Variants in PRKN observed in about 807,000 individuals in gnomAD.
The protein encoded by PRKN is parkin RBR E3 ubiquitin protein ligase.
PRKN carries 56 observed loss-of-function variants against 59.5 expected under a neutral mutation model. That is an observed-to-expected ratio of 0.94 (90% CI 0.76 to 1.18). The LOEUF (loss-of-function observed/expected upper bound fraction) is 1.18. Among genes scored for constraint, PRKN ranks in the 50% most tolerant of loss-of-function variants. PRKN has a pLI of 0.00. For synonymous variants in PRKN, 250 were observed against 222.1 expected (o/e 1.13, Z -1.12); for missense variants, 657 against 596.4 (o/e 1.10, Z -1.06).
chr6:162,609,877 T>C (rs886598443), intron 1 of PRKN, among the ~76,000 whole-genome samples: 3 of 152,224 alleles, frequency 2.0e-5, no homozygotes, highest in Non-Finnish European at 2.9e-5. Context: ...ATATCACAAC[T>C]AAGCGTTCTT....
chr6:161,866,527 A>G (rs566293656), intron 6 of PRKN, among the ~76,000 whole-genome samples: 17 of 152,250 alleles, frequency 1.1e-4, no homozygotes, highest in African/African-American at 4.1e-4. Flanking sequence ...GTGAGCTGAG[A>G]TCGCACCACT....
At chr6:161,598,067 T>G (rs1436587966) in intron 7 of PRKN, among the ~76,000 whole-genome samples, 1 of 152,174 alleles carries the variant, frequency 6.6e-6, no homozygotes, top group Admixed American at 6.5e-5. Context: ...ATAAATCTCT[T>G]GAGGAAAATA....
Position 162,710,374 on chromosome 6 carries a change from A to AACACACACACACACACACAC in PRKN, c.7+17268_7+17287dup, listed in dbSNP as rs138911423. 8.6e-3 allele frequency among the ~76,000 whole-genome samples: 1,078 copies of AACACACACACACACACACAC among 125,256 alleles called. 42 individuals are homozygous for AACACACACACACACACACAC. The highest frequency in any genetic ancestry group is 0.034 in the African/African-American group (983 of 29,204). The allele number at this position is 125,256 out of a possible 152,430, so 82.2% of individuals were successfully genotyped here. The stretch of plus-strand genomic sequence containing the variant: ...CAGAAAGCCCCTGGCACCCCCTACA[A>AACACACACACACACACACAC]ACACACACACACACACACACACACA... On this transcript the variant is annotated intron_variant, in intron 1 of 11. Coordinates refer to ENST00000366898, the MANE Select transcript of PRKN (RefSeq NM_004562.3).
rs1789606421 is a variant in PRKN, at chr6:161,448,853, C to A, written c.1084-61976G>T. ...AGTTAACCTTCCCAAATGAGTGGCACTATTATTTTAAAATAAAAGCGTTCA... is the reference window on the plus strand; with the variant it reads ...AGTTAACCTTCCCAAATGAGTGGCAATATTATTTTAAAATAAAAGCGTTCA... On this transcript the variant is annotated intron_variant, in intron 9 of 11. Transcript: ENST00000366898. The surrounding 1 kb of genome is among the most constrained non-coding windows in gnomAD (Gnocchi z 5.1). Among the ~76,000 whole-genome samples the A allele has an allele frequency of 6.6e-6, 1 of 152,126 alleles. No homozygotes were observed. The highest frequency in any genetic ancestry group is 2.4e-5 in the African/African-American group (1 of 41,416).
At chr6:162,483,193 G>A (rs1203207182) in intron 1 of PRKN, among the ~76,000 whole-genome samples, 4 of 152,102 alleles carry the variant, frequency 2.6e-5, no homozygotes, top group Non-Finnish European at 4.4e-5. Flanking sequence ...CCAGTCTCAC[G>A]ATATTCGAGT....
intron 4 of PRKN, among the ~76,000 whole-genome samples, chr6:162,186,218 C>T (rs1229551187): frequency 6.6e-6 from 1 of 151,884 alleles, no homozygotes; most frequent in Non-Finnish European, 1.5e-5. Flanking sequence ...TCAATTAAAG[C>T]CAGATACAAG....
At chr6:161,838,587 C>T (rs147162799) in intron 6 of PRKN, among the ~76,000 whole-genome samples, 14 of 152,346 alleles carry the variant, frequency 9.2e-5, no homozygotes, top group Non-Finnish European at 1.6e-4. Context: ...GCCCAGGTCT[C>T]GCAAATACAA....
intron 1 of PRKN, among the ~76,000 whole-genome samples, chr6:162,493,981 G>A (rs979066445): frequency 2.0e-5 from 3 of 152,122 alleles, no homozygotes; most frequent in African/African-American, 4.8e-5. Flanking sequence ...TGACTGAATC[G>A]CATGATGGAT....
intron 6 of PRKN, among the ~76,000 whole-genome samples, chr6:161,807,769 T>C (rs1791397158): frequency 6.6e-6 from 1 of 152,320 alleles, no homozygotes; most frequent in East Asian, 1.9e-4. Flanking sequence ...CCAGTTAGAT[T>C]TGATTAAGGC....
intron 7 of PRKN, among the ~76,000 whole-genome samples, chr6:161,672,792 C>G (rs2128169524): frequency 6.6e-6 from 1 of 152,166 alleles, no homozygotes; most frequent in African/African-American, 2.4e-5. Context: ...CAAAACAAAA[C>G]AAAAATTTAA....
rs900488170 is a variant in PRKN, at chr6:161,417,504, ATCTCTGAATTAAAGG to A, written c.1084-30642_1084-30628del. ...TCCAAGACCACACGCTATTGATTTAATCTCTGAATTAAAGGTCTCTGAATTAAAGTGTATAAATGT... is the reference window on the plus strand; with the variant it reads ...TCCAAGACCACACGCTATTGATTTAATCTCTGAATTAAAGTGTATAAATGT... On this transcript the variant is annotated intron_variant, in intron 9 of 11. Transcript: ENST00000366898. This position sits in a 1 kb window ranked among gnomAD's most constrained non-coding sequence, Gnocchi z 5.4. Among the ~76,000 whole-genome samples the A allele has an allele frequency of 6.6e-6, 1 of 151,996 alleles. No homozygotes were observed. The highest frequency in any genetic ancestry group is 2.4e-5 in the African/African-American group (1 of 41,370).
chr6:162,457,649 C>G (rs1199796157), intron 1 of PRKN, among the ~76,000 whole-genome samples: 1 of 152,042 alleles, frequency 6.6e-6, no homozygotes. Context: ...AAGAGTCAGG[C>G]GTTGAAACCA....
chr6:161,760,569 A>T (rs1018038877), intron 7 of PRKN, among the ~76,000 whole-genome samples: 1 of 151,962 alleles, frequency 6.6e-6, no homozygotes, highest in Non-Finnish European at 1.5e-5. Context: ...GAAGCCGTCT[A>T]GCAGGGACTC....
intron 6 of PRKN, among the ~76,000 whole-genome samples, chr6:161,872,527 T>C (rs1427497297): frequency 6.6e-6 from 1 of 152,126 alleles, no homozygotes; most frequent in African/African-American, 2.4e-5. Context: ...TGTCCTCAAC[T>C]CCATGTGGGC....
At chr6:161,860,016 G>A (rs1583259503) in intron 6 of PRKN, among the ~76,000 whole-genome samples, 1 of 152,150 alleles carries the variant, frequency 6.6e-6, no homozygotes, top group Non-Finnish European at 1.5e-5. Context: ...TAGTTTTGTG[G>A]AGGGTTTTTT....
intron 6 of PRKN, among the ~76,000 whole-genome samples, chr6:161,874,203 T>A (rs1431227616): frequency 2.6e-4 from 12 of 45,500 alleles, no homozygotes; most frequent in Non-Finnish European, 3.6e-4. Context: ...TAATATATAT[T>A]ATATGTAAAA....
intron 2 of PRKN, among the ~76,000 whole-genome samples, chr6:162,414,255 T>C (rs1033348082): frequency 6.6e-6 from 1 of 152,114 alleles, no homozygotes; most frequent in Non-Finnish European, 1.5e-5. Context: ...TACTGCTCCA[T>C]AATACAAACA....
chr6:162,510,940 TAA>T (rs1285891137), intron 1 of PRKN, among the ~76,000 whole-genome samples: 1 of 139,036 alleles, frequency 7.2e-6, no homozygotes, highest in African/African-American at 2.7e-5. Context: ...AACAAACAAA[TAA>T]AAAAACAAAA....
intron 2 of PRKN, among the ~76,000 whole-genome samples, chr6:162,341,278 G>A (rs1236657659): frequency 1.3e-5 from 2 of 152,160 alleles, no homozygotes; most frequent in African/African-American, 2.4e-5. Flanking sequence ...AGAGGATGTG[G>A]AGAAATAGAA....
Sources: gnomAD v4.1 joint callset for allele counts (sites outside exome capture counted in the v4.1 genomes callset) on GRCh38, gnomAD v4.1.1 for gene constraint, Gnocchi (gnomAD v3.1) non-coding constraint, MANE v1.5 for transcripts, NCBI Gene and HGNC (gene_info 2026-07-23, HGNC 2026-07-21) for gene names.